EXT1: variants seen among roughly 807,000 people sequenced by gnomAD.
EXT1 encodes exostosin glycosyltransferase 1.
EXT1 carries 20 observed loss-of-function variants against 82.5 expected under a neutral mutation model. The observed-to-expected ratio is 0.24, with a 90% CI of 0.17 to 0.35. EXT1 has a LOEUF of 0.35. Ranked by LOEUF, EXT1 falls within the 10% of genes least tolerant of loss-of-function variation. The probability of loss-of-function intolerance (pLI) is 1.00; values close to 1 mark genes in which losing one functional copy is unlikely to be tolerated. For synonymous variants in EXT1, 348 were observed against 350.8 expected (o/e 0.99, Z 0.09); for missense variants, 757 against 936.5 (o/e 0.81, Z 2.50).
At chr8:117,861,706 G>A (rs1463096295) in intron 1 of EXT1, among the ~76,000 whole-genome samples, 3 of 143,560 alleles carry the variant, frequency 2.1e-5, no homozygotes, top group Admixed American at 1.4e-4. Flanking sequence ...ATGCTGGCCA[G>A]GCTGGCCTTG....
chr8:118,066,275 T>C (rs956176686), intron 1 of EXT1, among the ~76,000 whole-genome samples: 4 of 152,150 alleles, frequency 2.6e-5, no homozygotes, highest in African/African-American at 4.8e-5. Context: ...ACTTAATGAA[T>C]AGTAAATATA....
At chr8:117,861,506 T>C (rs1211539866) in intron 1 of EXT1, among the ~76,000 whole-genome samples, 3 of 107,568 alleles carry the variant, frequency 2.8e-5, no homozygotes, top group African/African-American at 8.2e-5. Context: ...TTTTTTTTTT[T>C]TTTTTTGAGA....
At chr8:117,826,957 T>C (rs944445652) in intron 4 of EXT1, among the ~76,000 whole-genome samples, 7 of 152,212 alleles carry the variant, frequency 4.6e-5, no homozygotes, top group Middle Eastern at 3.2e-3. Flanking sequence ...AACTGCTAAC[T>C]TAATAGGTGA....
At chr8:118,002,982 C>T (rs1164576990) in intron 1 of EXT1, among the ~76,000 whole-genome samples, 2 of 152,026 alleles carry the variant, frequency 1.3e-5, no homozygotes, top group Non-Finnish European at 2.9e-5. Flanking sequence ...CCAGCACAAA[C>T]GCCCATCAGT....
At chr8:117,935,207 A>G (rs774620901) in intron 1 of EXT1, among the ~76,000 whole-genome samples, 111 of 152,150 alleles carry the variant, frequency 7.3e-4, no homozygotes, top group Non-Finnish European at 8.5e-4. Context: ...AGCTGTAGGG[A>G]CAGGAGCTAA....
chr8:117,981,614 A>T (rs1815204929), intron 1 of EXT1, among the ~76,000 whole-genome samples: 1 of 152,032 alleles, frequency 6.6e-6, no homozygotes. Flanking sequence ...CCCATGGGAG[A>T]TCCCTCCCTC....
At chr8:117,867,112 C>T (rs796438979) in intron 1 of EXT1, among the ~76,000 whole-genome samples, 14 of 151,836 alleles carry the variant, frequency 9.2e-5, no homozygotes, top group African/African-American at 3.4e-4. Context: ...TACAAAAATT[C>T]GCTGGACATG....
intron 1 of EXT1, among the ~76,000 whole-genome samples, chr8:118,017,633 C>A (rs1816026338): frequency 6.6e-6 from 1 of 152,190 alleles, no homozygotes; most frequent in Admixed American, 6.5e-5. Context: ...GGTAGAAAAT[C>A]TCCTAATTGG....
At chr8:117,889,385 A>G (rs1435284492) in intron 1 of EXT1, among the ~76,000 whole-genome samples, 1 of 152,196 alleles carries the variant, frequency 6.6e-6, no homozygotes, top group African/African-American at 2.4e-5. Flanking sequence ...AACACATTCA[A>G]CAAATTTAGC....
intron 1 of EXT1, among the ~76,000 whole-genome samples, chr8:117,856,348 G>A (rs931469160): frequency 4.0e-5 from 6 of 149,854 alleles, no homozygotes; most frequent in Non-Finnish European, 5.9e-5. Context: ...TCCGCCTCCC[G>A]GGTTCATGCC....
chr8:117,978,477 T>C (rs1815114495), intron 1 of EXT1, among the ~76,000 whole-genome samples: 1 of 152,142 alleles, frequency 6.6e-6, no homozygotes, highest in Non-Finnish European at 1.5e-5. Flanking sequence ...GTACTTCTTA[T>C]CTGAACTTTT....
chr8:117,878,567 T>C (rs879012664), intron 1 of EXT1, among the ~76,000 whole-genome samples: 4 of 152,178 alleles, frequency 2.6e-5, no homozygotes, highest in Admixed American at 2.6e-4. Context: ...TGACCTGGCA[T>C]AAGGTTGGCC....
At chr8:118,003,899 G>C (rs1649243222) in intron 1 of EXT1, among the ~76,000 whole-genome samples, 1 of 151,924 alleles carries the variant, frequency 6.6e-6, no homozygotes, top group Non-Finnish European at 1.5e-5. Flanking sequence ...CTACACTTTT[G>C]CTTTTAGCAC....
At chr8:117,933,950 C>A (rs1692523612) in intron 1 of EXT1, among the ~76,000 whole-genome samples, 1 of 152,094 alleles carries the variant, frequency 6.6e-6, no homozygotes, top group Admixed American at 6.6e-5. Context: ...AGCAATGGAT[C>A]CCCCTCTCCT....
intron 1 of EXT1, among the ~76,000 whole-genome samples, chr8:118,041,939 C>T (rs1816539053): frequency 7.4e-6 from 1 of 135,050 alleles, no homozygotes; most frequent in Non-Finnish European, 1.6e-5. Flanking sequence ...CAGAGCGAGA[C>T]TCTGCCTCAG....
In EXT1 at chr8:118,110,148, T is replaced by C. The variant is rs773198507; in HGVS notation, c.899A>G (p.His300Arg). ...EDVVLLTTCK[H>R]GKDWQKHKDS... The stretch of plus-strand genomic sequence containing the variant: ...CTTGTGCTTTTGCCAGTCTTTGCCA[T>C]GCTTGCAGGTGGTGAGGAGCACAAC... Residue 300 changes from histidine to arginine, a missense_variant, in exon 1 of 11, where the codon CAT (histidine) becomes CGT (arginine). His to Arg is a conservative substitution (Grantham distance 29). Transcript: ENST00000378204. 6.2e-7 allele frequency: 1 copy of C among 1,614,230 alleles called. No individual in the cohort carries two copies. The highest frequency in any genetic ancestry group is 1.1e-5 in the South Asian group (1 of 91,090).
intron 1 of EXT1, among the ~76,000 whole-genome samples, chr8:118,098,620 A>T (rs1817661663): frequency 6.6e-6 from 1 of 151,990 alleles, no homozygotes; most frequent in Non-Finnish European, 1.5e-5. Flanking sequence ...TTAGTCGGGC[A>T]TGGTGGCGGG....
At chr8:117,963,300 C>T (rs73704843) in intron 1 of EXT1, among the ~76,000 whole-genome samples, 4,296 of 152,242 alleles carry the variant, frequency 0.028, 218 homozygotes, top group African/African-American at 0.099. Flanking sequence ...GTCCAACTAG[C>T]TGCCACTGGA....
chr8:118,044,986 A>G (rs912904552), intron 1 of EXT1, among the ~76,000 whole-genome samples: 4 of 152,242 alleles, frequency 2.6e-5, no homozygotes, highest in African/African-American at 9.6e-5. Flanking sequence ...AAAGTTTGCC[A>G]ACCTCTAGTC....
Sources: allele counts gnomAD v4.1 joint callset (sites outside exome capture counted in the v4.1 genomes callset), GRCh38; gene constraint gnomAD v4.1.1; transcripts MANE v1.5; gene names NCBI Gene and HGNC (gene_info 2026-07-23, HGNC 2026-07-21).